ENOX1: variants seen among roughly 807,000 people sequenced by gnomAD.
The protein encoded by ENOX1 is ecto-NOX disulfide-thiol exchanger 1.
Under a neutral mutation model 82.5 loss-of-function variants are expected in ENOX1, and 42 were observed. The observed-to-expected ratio is 0.51, with a 90% CI of 0.40 to 0.66. ENOX1 has a LOEUF of 0.66. Among genes scored for constraint, ENOX1 ranks in the 30% least tolerant of loss-of-function variants. ENOX1 has a pLI of 0.00. For missense variants in ENOX1, 608 were observed against 811.6 expected (o/e 0.75, Z 3.05); for synonymous variants, 271 against 282.2 (o/e 0.96, Z 0.40).
intron 1 of ENOX1, among the ~76,000 whole-genome samples, chr13:43,716,131 C>T (rs949224246): frequency 9.2e-5 from 14 of 152,310 alleles, no homozygotes; most frequent in African/African-American, 2.2e-4. Context: ...GGAGGAGAGG[C>T]GCTCTGCTTT....
intron 1 of ENOX1, among the ~76,000 whole-genome samples, chr13:43,669,938 G>T (rs1482057343): frequency 6.6e-6 from 1 of 152,056 alleles, no homozygotes; most frequent in African/African-American, 2.4e-5. Flanking sequence ...CTAGACCAAA[G>T]GTTTCATTCT....
At chr13:43,776,646 C>A (rs1042201172) in intron 1 of ENOX1, among the ~76,000 whole-genome samples, 1 of 152,126 alleles carries the variant, frequency 6.6e-6, no homozygotes, top group African/African-American at 2.4e-5. Context: ...GTGAGGTAAT[C>A]TAGAGATTAG....
chr13:43,247,886 T>A, intron 14 of ENOX1, among the ~76,000 whole-genome samples: 1 of 7,426 alleles, frequency 1.3e-4, no homozygotes, highest in Non-Finnish European at 3.0e-4. Flanking sequence ...TATATATATT[T>A]TTTTTTTTTT....
chr13:43,772,847 T>G (rs1472751701), intron 1 of ENOX1, among the ~76,000 whole-genome samples: 1 of 152,146 alleles, frequency 6.6e-6, no homozygotes. Flanking sequence ...ATGGACTATC[T>G]TCAGCGTTCT....
At chr13:43,380,805 G>A (rs2051989085) in intron 5 of ENOX1, among the ~76,000 whole-genome samples, 1 of 151,548 alleles carries the variant, frequency 6.6e-6, no homozygotes, top group African/African-American at 2.4e-5. Context: ...ATATAATTAT[G>A]GATAAATGAG....
chr13:43,565,272 T>C (rs2079869011), intron 2 of ENOX1, among the ~76,000 whole-genome samples: 1 of 152,160 alleles, frequency 6.6e-6, no homozygotes, highest in South Asian at 2.1e-4. Context: ...GCTTGATGTG[T>C]TCACAGAACA....
At chr13:43,477,689 C>G (rs972598619) in intron 3 of ENOX1, among the ~76,000 whole-genome samples, 1 of 152,076 alleles carries the variant, frequency 6.6e-6, no homozygotes, top group African/African-American at 2.4e-5. Flanking sequence ...AACTCATACA[C>G]TATTTATTTG....
intron 9 of ENOX1, among the ~76,000 whole-genome samples, chr13:43,329,376 C>T (rs1020774797): frequency 6.6e-6 from 1 of 151,990 alleles, no homozygotes. Flanking sequence ...AGCTGACTTG[C>T]TACATGGGAG....
chr13:43,518,618 C>A (rs2077646502), intron 2 of ENOX1, among the ~76,000 whole-genome samples: 1 of 152,014 alleles, frequency 6.6e-6, no homozygotes, highest in South Asian at 2.1e-4. Flanking sequence ...ACTAGATTCC[C>A]AAATTTTGTT....
intron 2 of ENOX1, among the ~76,000 whole-genome samples, chr13:43,548,869 G>A (rs2079074735): frequency 6.6e-6 from 1 of 152,010 alleles, no homozygotes; most frequent in South Asian, 2.1e-4. Context: ...TATCAAAACT[G>A]GGTTCAGATA....
intron 1 of ENOX1, among the ~76,000 whole-genome samples, chr13:43,720,092 A>G (rs932750615): frequency 3.6e-5 from 2 of 55,110 alleles, no homozygotes; most frequent in African/African-American, 6.2e-5. Context: ...TCTAAAATTA[A>G]TATAAATTAC....
intron 9 of ENOX1, among the ~76,000 whole-genome samples, chr13:43,330,379 G>C (rs1025086132): frequency 1.3e-5 from 2 of 152,190 alleles, no homozygotes; most frequent in Admixed American, 1.3e-4. Flanking sequence ...ACACAATCCT[G>C]TATCAGATAA....
intron 3 of ENOX1, among the ~76,000 whole-genome samples, chr13:43,438,413 T>C (rs2056160315): frequency 6.6e-6 from 1 of 151,944 alleles, no homozygotes; most frequent in Admixed American, 6.6e-5. Context: ...AATGTGGAAG[T>C]GAGAGGGAGT....
chr13:43,364,096 C>CT (rs71721503), intron 5 of ENOX1, among the ~76,000 whole-genome samples: 7,220 of 152,186 alleles, frequency 0.047, 279 homozygotes, highest in East Asian at 0.15. Context: ...GAACCCATTA[C>CT]TTTTTTAACA....
At chr13:43,670,805 T>C (rs757641234) in intron 1 of ENOX1, among the ~76,000 whole-genome samples, 13 of 152,102 alleles carry the variant, frequency 8.5e-5, no homozygotes, top group Non-Finnish European at 1.5e-4. Flanking sequence ...ATCGCGACAC[T>C]GCACTCCAGC....
chr13:43,261,747 C>CCAAA (rs1268677118), intron 14 of ENOX1, among the ~76,000 whole-genome samples: 2 of 145,982 alleles, frequency 1.4e-5, no homozygotes, highest in African/African-American at 5.1e-5. Flanking sequence ...GAACAAAAAA[C>CCAAA]CAAACACTGC....
At chr13:43,551,864 A>AATGAAAT (rs1343502271) in intron 2 of ENOX1, among the ~76,000 whole-genome samples, 4 of 152,192 alleles carry the variant, frequency 2.6e-5, no homozygotes, top group African/African-American at 9.7e-5. Flanking sequence ...TGGTAAGCTT[A>AATGAAAT]ATGAAATGAT....
At chr13:43,773,372 G>T (rs1951749260) in intron 1 of ENOX1, among the ~76,000 whole-genome samples, 1 of 152,148 alleles carries the variant, frequency 6.6e-6, no homozygotes. Flanking sequence ...GCAGACAAAA[G>T]CAAAAGCAAA....
At chr13:43,705,970 T>C (rs1376061528) in intron 1 of ENOX1, among the ~76,000 whole-genome samples, 3 of 152,226 alleles carry the variant, frequency 2.0e-5, no homozygotes, top group African/African-American at 4.8e-5. Flanking sequence ...ATATGTTTCC[T>C]GTCTACAAAG....
Sources: allele counts gnomAD v4.1 joint callset (sites outside exome capture counted in the v4.1 genomes callset), GRCh38; gene constraint gnomAD v4.1.1; transcripts MANE v1.5; gene names NCBI Gene and HGNC (gene_info 2026-07-23, HGNC 2026-07-21).